PRKD3: variants seen among roughly 807,000 people sequenced by gnomAD.
The protein encoded by PRKD3 is protein kinase D3.
PRKD3 carries 47 observed loss-of-function variants against 99.2 expected under a neutral mutation model. The observed-to-expected ratio is 0.47, with a 90% CI of 0.38 to 0.60. PRKD3 has a LOEUF of 0.60. Ranked by LOEUF, PRKD3 falls within the 20% of genes least tolerant of loss-of-function variation. The pLI is 0.00. For synonymous variants in PRKD3, 392 were observed against 355.4 expected, an observed-to-expected ratio of 1.10 and a Z score of -1.16; for missense variants, 1,019 against 1,088.4, an observed-to-expected ratio of 0.94 and a Z score of 0.90.
chr2:37,275,552 T>A (rs1178923504), intron 10 of PRKD3, among the ~76,000 whole-genome samples: 1 of 152,056 alleles, frequency 6.6e-6, no homozygotes, highest in African/African-American at 2.4e-5. Flanking sequence ...AATAAATAAA[T>A]ACACGACAAC....
chr2:37,322,763 C>CATAT (rs140120722), intron 1 of PRKD3, among the ~76,000 whole-genome samples: 40 of 151,552 alleles, frequency 2.6e-4, no homozygotes, highest in African/African-American at 9.7e-4. Context: ...CAAAGAGATA[C>CATAT]ATATATATAT....
chr2:37,268,304 G>A (rs751545220), intron 13 of PRKD3: 3 of 470,740 alleles, frequency 6.4e-6, no homozygotes, highest in African/African-American at 2.0e-5. Context: ...AAGGTACCTC[G>A]GACAGTTCTT....
chr2:37,282,572 C>T lies in PRKD3; in HGVS notation c.958G>A (p.Asp320Asn). The T allele has an allele frequency of 6.2e-7, 1 of 1,601,578 alleles. No individual in the cohort carries two copies. Among genetic ancestry groups the T allele is most frequent in the East Asian group, 2.2e-5 (1 of 44,800 alleles). Residue 320 changes from aspartate (D) to asparagine (N), a missense_variant, in exon 7 of 19, where the codon GAC becomes AAC. This residue lies in a region of PRKD3 where 710 missense variants were observed against 692.7 expected (regional missense o/e 1.02). Transcript: ENST00000234179. ...HKRCASKVPR[D>N]CLGEVTFNGE... ...TTGAAAGTAACCTCTCCAAGGCAGT[C>T]TCTTGGTACTTTTGATGCACAGCGT...
chr2:37,319,328 G>A (rs1248978343), intron 1 of PRKD3, among the ~76,000 whole-genome samples: 1 of 152,146 alleles, frequency 6.6e-6, no homozygotes, highest in Non-Finnish European at 1.5e-5. Flanking sequence ...CCTTAGATGA[G>A]GAAAGTCTTT....
intron 2 of PRKD3, among the ~76,000 whole-genome samples, chr2:37,296,665 C>T (rs559471406): frequency 5.1e-4 from 77 of 151,888 alleles, no homozygotes; most frequent in Admixed American, 4.6e-4. Context: ...TGGGAGGCCG[C>T]GGCGGGAAGA....
At chr2:37,294,535 C>G (rs1670591045) in intron 2 of PRKD3, among the ~76,000 whole-genome samples, 1 of 152,104 alleles carries the variant, frequency 6.6e-6, no homozygotes, top group Non-Finnish European at 1.5e-5. Flanking sequence ...AATACTAATT[C>G]TCCTTTTGAG....
rs75363026 is a variant in PRKD3, at chr2:37,267,655, T to C, written c.1778-119A>G. 204 of 775,424 alleles carry C rather than the reference T, an allele frequency of 2.6e-4. 3 individuals carry two copies. The East Asian group carries it at 4.2e-3, about 16-fold the overall frequency. The allele number at this position is 775,424 out of a possible 1,614,324, so 48.0% of individuals were successfully genotyped here. The stretch of plus-strand genomic sequence containing the variant: ...GAATTTTCTTTTTGGCTCATTTTTG[T>C]TCTTTCTCCACACTCCTTCACTCAC... On this transcript the variant is annotated intron_variant, in intron 13 of 18. Transcript: ENST00000234179.
chr2:37,298,411 A>T (rs59916529), intron 2 of PRKD3, among the ~76,000 whole-genome samples: 9 of 150,174 alleles, frequency 6.0e-5, no homozygotes, highest in South Asian at 2.1e-4. Flanking sequence ...TAACAAAGTT[A>T]TTTTTTTTTT....
chr2:37,273,874 A>C (rs1048536270), intron 11 of PRKD3, among the ~76,000 whole-genome samples: 9 of 152,208 alleles, frequency 5.9e-5, no homozygotes, highest in Admixed American at 2.6e-4. Flanking sequence ...TAATTATATA[A>C]GTTTTGTTGG....
At chr2:37,280,152 C>G (rs768334725) in intron 7 of PRKD3, among the ~76,000 whole-genome samples, 45 of 150,686 alleles carry the variant, frequency 3.0e-4, no homozygotes, top group Non-Finnish European at 5.9e-4. Flanking sequence ...TCAAGCGATT[C>G]TCTAGCCTCA....
chr2:37,258,331 C>T (rs1228653297), intron 16 of PRKD3, among the ~76,000 whole-genome samples: 5 of 152,080 alleles, frequency 3.3e-5, no homozygotes, highest in Non-Finnish European at 4.4e-5. Flanking sequence ...TTGAAGAGTA[C>T]GAATACTGAG....
rs1257870292 is a variant in PRKD3, at chr2:37,251,999, A to T, written c.*1178T>A. The T allele has an allele frequency of 6.6e-6, 1 of 152,234 alleles. No individual in the cohort carries two copies. The highest frequency in any genetic ancestry group is 1.5e-5 in the Non-Finnish European group (1 of 68,042). 9.4% of individuals were successfully genotyped at this position (152,234 alleles called of 1,614,324 possible). On this transcript the variant is annotated 3_prime_UTR_variant, in exon 19 of 19. Transcript: ENST00000234179. ...AGATATTTAAAAATATTTTTTAAAT[A>T]GCTGGCTGCTGGAGCTGAAATGTAA...
chr2:37,293,644 C>A (rs1189206796), intron 2 of PRKD3, among the ~76,000 whole-genome samples: 1 of 152,168 alleles, frequency 6.6e-6, no homozygotes. Context: ...CTAAATATTT[C>A]AAAATTCTTC....
rs17852819 is a variant in PRKD3, at chr2:37,293,178, C to T, written c.382G>A (p.Ala128Thr). The change falls in exon 3 of 19, where the codon GCA becomes ACA. Residue 128 changes from alanine to threonine, a missense_variant. Physicochemically the swap from Ala to Thr is moderately conservative, Grantham distance 58. Around this residue, in one of 3 missense-constraint regions of PRKD3, gnomAD observed 710 missense variants for 692.7 expected, o/e 1.02. Coordinates refer to ENST00000234179, the MANE Select transcript of PRKD3 (RefSeq NM_005813.6). Reference protein sequence around the residue: ...SENILQLITSADEIHEGDLVE... With the variant: ...SENILQLITSTDEIHEGDLVE... ...AGGTCTCCTTCATGTATTTCATCTG[C>T]TGAGGTAATCAGCTGCAAAATGTTT... 1 of 1,603,820 alleles carries T rather than the reference C, an allele frequency of 6.2e-7. No individual in the cohort carries two copies. The highest frequency in any genetic ancestry group is 8.5e-7 in the Non-Finnish European group (1 of 1,171,842).
In PRKD3 at chr2:37,268,278, T is replaced by A. The variant is rs1311690061; in HGVS notation, c.1778-742A>T. 1.5e-5 allele frequency: 7 copies of A among 469,872 alleles called. 1 individual carries two copies. Among genetic ancestry groups the A allele is most frequent in the African/African-American group, 2.0e-5 (1 of 50,104 alleles). 29.1% of individuals were successfully genotyped at this position (469,872 alleles called of 1,614,324 possible). On this transcript the variant is annotated intron_variant, in intron 13 of 18. Coordinates refer to ENST00000234179, the MANE Select transcript of PRKD3 (RefSeq NM_005813.6). ...GAAAAGACTGAACAAATGTGTGCATTTTTGGTAAGAAGCCAAAGGTACCTC... is the reference window on the plus strand; with the variant it reads ...GAAAAGACTGAACAAATGTGTGCATATTTGGTAAGAAGCCAAAGGTACCTC...
chr2:37,280,462 G>A (rs1228357127), intron 7 of PRKD3, among the ~76,000 whole-genome samples: 4 of 152,114 alleles, frequency 2.6e-5, no homozygotes, highest in African/African-American at 7.2e-5. Context: ...CTATAAATGC[G>A]GATAAGCCAC....
At chr2:37,289,590 G>T in intron 4 of PRKD3, 77 bp from the exon 5 acceptor site, 1 of 1,198,008 alleles carries the variant, frequency 8.3e-7, no homozygotes, top group Non-Finnish European at 1.2e-6. Flanking sequence ...AAAAACCACT[G>T]CTTCTTTTAT....
intron 5 of PRKD3, 46 bp from the exon 6 acceptor site, chr2:37,286,415 A>T: frequency 8.5e-6 from 13 of 1,521,042 alleles, no homozygotes; most frequent in Non-Finnish European, 1.2e-5. Context: ...TATTAAAAAC[A>T]GAGTAGTGGG....
At chr2:37,304,746 AAAAAGAAAAAG>A (rs1671082942) in intron 2 of PRKD3, among the ~76,000 whole-genome samples, 2 of 151,518 alleles carry the variant, frequency 1.3e-5, no homozygotes, top group African/African-American at 4.8e-5. Context: ...TCTCAAAAAA[AAAAAGAAAAAG>A]AAAAGAAAAA....
Sources: allele counts gnomAD v4.1 joint callset (sites outside exome capture counted in the v4.1 genomes callset), GRCh38; gene constraint gnomAD v4.1.1; regional missense constraint gnomAD v4.1.1; transcripts MANE v1.5; gene names NCBI Gene and HGNC (gene_info 2026-07-23, HGNC 2026-07-21).